Variants in CACNA1E observed in about 807,000 individuals in gnomAD.
CACNA1E encodes voltage-dependent R-type calcium channel subunit alpha-1E.
Under a neutral mutation model 259.2 loss-of-function variants are expected in CACNA1E, and 40 were observed. The ratio of observed to expected loss-of-function variants is 0.15; its 90% CI spans 0.12 to 0.20. CACNA1E has a LOEUF of 0.20. CACNA1E is among the 10% of genes least tolerant of loss of function. CACNA1E has a pLI of 1.00. For synonymous variants in CACNA1E, 1,104 were observed against 1,138.5 expected, an observed-to-expected ratio of 0.97 and a Z score of 0.61; for missense variants, 1,874 against 3,040.1, an observed-to-expected ratio of 0.62 and a Z score of 9.02.
intron 2 of CACNA1E, among the ~76,000 whole-genome samples, chr1:181,464,061 G>A (rs1431377610): frequency 6.6e-6 from 1 of 152,024 alleles, no homozygotes; most frequent in African/African-American, 2.4e-5. Flanking sequence ...TAGTGAGTAG[G>A]CAATTCTTAT....
chr1:181,562,827 T>C (rs770948882), intron 3 of CACNA1E, among the ~76,000 whole-genome samples: 1 of 152,178 alleles, frequency 6.6e-6, no homozygotes, highest in Admixed American at 6.6e-5. Flanking sequence ...TTGATTCCTC[T>C]AACAACTCAG....
intron 6 of CACNA1E, among the ~76,000 whole-genome samples, chr1:181,613,669 G>C (rs1022292226): frequency 1.3e-5 from 2 of 152,164 alleles, no homozygotes; most frequent in East Asian, 1.9e-4. Flanking sequence ...GGAAGGTCCT[G>C]ATCATAAACC....
Position 181,624,350 on chromosome 1 carries a change from T to C in CACNA1E, c.952-26988T>C, listed in dbSNP as rs1039161085. ...ATGCTTGCTGCAGCCATTGACTCTT[T>C]CGTGAAAGATTTCTCTATAGCATGT... On this transcript the variant is annotated intron_variant, in intron 6 of 47. Transcript: ENST00000367573. Among the ~76,000 whole-genome samples, 5 of 152,236 alleles carry C rather than the reference T, an allele frequency of 3.3e-5. No individual in the cohort carries two copies. In the South Asian group the frequency reaches 1.0e-3, roughly 32 times the overall value.
intron 2 of CACNA1E, among the ~76,000 whole-genome samples, chr1:181,414,093 G>T (rs1658082678): frequency 6.6e-6 from 1 of 152,230 alleles, no homozygotes; most frequent in African/African-American, 2.4e-5. Flanking sequence ...TGCTCTGTTT[G>T]TGTAGGGCAA....
chr1:181,608,582 ATGGAGAGCGC>A (rs1654450637), intron 6 of CACNA1E, among the ~76,000 whole-genome samples: 2 of 152,080 alleles, frequency 1.3e-5, no homozygotes, highest in African/African-American at 2.4e-5. Context: ...ACCGGTGAGA[ATGGAGAGCGC>A]TGGGTGAACA....
intron 1 of CACNA1E, among the ~76,000 whole-genome samples, chr1:181,411,138 G>A (rs1657810301): frequency 6.6e-6 from 1 of 152,222 alleles, no homozygotes; most frequent in South Asian, 2.1e-4. Flanking sequence ...GAGGCAATAA[G>A]CAGGTATCTT....
At chr1:181,364,994 C>T (rs750820482) in intron 1 of CACNA1E, among the ~76,000 whole-genome samples, 17 of 152,110 alleles carry the variant, frequency 1.1e-4, no homozygotes, top group Non-Finnish European at 2.1e-4. Flanking sequence ...GTTAGCCAAG[C>T]CACCCCTGTC....
chr1:181,336,974 AATATAG>A (rs1651758830), intron 1 of CACNA1E, among the ~76,000 whole-genome samples: 1 of 148,868 alleles, frequency 6.7e-6, no homozygotes, highest in Admixed American at 6.8e-5. Context: ...TAAAATATAT[AATATAG>A]ATATTTATAT....
At chr1:181,560,786 A>G (rs1223117328) in intron 3 of CACNA1E, among the ~76,000 whole-genome samples, 1 of 152,260 alleles carries the variant, frequency 6.6e-6, no homozygotes, top group Admixed American at 6.5e-5. Flanking sequence ...TTGTACACCC[A>G]TGTTCACAGC....
At chr1:181,748,336 G>A (rs1488461155) in intron 25 of CACNA1E, among the ~76,000 whole-genome samples, 2 of 152,154 alleles carry the variant, frequency 1.3e-5, no homozygotes, top group Non-Finnish European at 2.9e-5. Context: ...GGTATATGTG[G>A]TAATACAATG....
At chr1:181,753,909 T>C (rs369452728) in intron 27 of CACNA1E, among the ~76,000 whole-genome samples, 8 of 152,194 alleles carry the variant, frequency 5.3e-5, no homozygotes, top group African/African-American at 1.9e-4. Context: ...GCCCACCGCG[T>C]GGGTTCCCAG....
At chr1:181,793,637 A>T (rs748267137) in intron 44 of CACNA1E, 28 bp from the exon 45 acceptor site, 1 of 1,602,932 alleles carries the variant, frequency 6.2e-7, no homozygotes. Flanking sequence ...ACCAAGTCCC[A>T]CAAGCTTGGC....
chr1:181,694,527 G>A (rs1475168533), intron 7 of CACNA1E, among the ~76,000 whole-genome samples: 1 of 152,286 alleles, frequency 6.6e-6, no homozygotes, highest in African/African-American at 2.4e-5. Context: ...TTGATAAAAG[G>A]ATGAATTCAT....
chr1:181,739,965 G>A (rs939147865), intron 25 of CACNA1E, among the ~76,000 whole-genome samples: 9 of 152,176 alleles, frequency 5.9e-5, no homozygotes, highest in African/African-American at 2.2e-4. Flanking sequence ...TCTAGCCAAG[G>A]AAAGGGCTCT....
intron 6 of CACNA1E, among the ~76,000 whole-genome samples, chr1:181,581,823 C>T (rs1017387329): frequency 2.0e-5 from 3 of 152,074 alleles, no homozygotes; most frequent in Admixed American, 6.6e-5. Flanking sequence ...GATCATGCCT[C>T]TTATGCACGC....
intron 3 of CACNA1E, among the ~76,000 whole-genome samples, chr1:181,540,912 A>G (rs1408548838): frequency 6.6e-6 from 1 of 152,214 alleles, no homozygotes; most frequent in Non-Finnish European, 1.5e-5. Flanking sequence ...AAATCAGGAA[A>G]TGCTCCAAAA....
intron 7 of CACNA1E, among the ~76,000 whole-genome samples, chr1:181,682,136 G>A (rs1390468623): frequency 2.0e-5 from 3 of 152,178 alleles, no homozygotes; most frequent in Admixed American, 6.5e-5. Flanking sequence ...ATGACTATCC[G>A]ATTAACGATG....
rs74553345 is a variant in CACNA1E at position 181,737,909 on chromosome 1, T to C, written c.3552+255T>C. On this transcript the variant is annotated intron_variant, in intron 23 of 47. Coordinates refer to ENST00000367573, the MANE Select transcript of CACNA1E (RefSeq NM_001205293.3). ...CTGCAGCCACCCATGGGCTTGGATG[T>C]GGGTCTAATATAGGGTCATGGATGG... Among the ~76,000 whole-genome samples the C allele has an allele frequency of 5.5e-3, 840 of 152,232 alleles. 17 individuals are homozygous for C. Among genetic ancestry groups the C allele is most frequent in the African/African-American group, 0.019 (803 of 41,528 alleles).
chr1:181,672,515 A>T (rs1354095518), intron 7 of CACNA1E, among the ~76,000 whole-genome samples: 1 of 152,236 alleles, frequency 6.6e-6, no homozygotes, highest in African/African-American at 2.4e-5. Context: ...TCACCTTCTA[A>T]ATTCCCTCTG....
Sources: gnomAD v4.1 joint callset for allele counts (sites outside exome capture counted in the v4.1 genomes callset) on GRCh38, gnomAD v4.1.1 for gene constraint, MANE v1.5 for transcripts, NCBI Gene and HGNC (gene_info 2026-07-23, HGNC 2026-07-21) for gene names.